The following COL11A1 variants were observed in gnomAD, a reference collection of about 807,000 sequenced individuals.
COL11A1 encodes collagen type XI alpha 1 chain.
COL11A1 carries 74 observed loss-of-function variants against 265.2 expected under a neutral mutation model. The ratio of observed to expected loss-of-function variants is 0.28; its 90% CI spans 0.23 to 0.34. COL11A1 has a LOEUF of 0.34. Ranked by LOEUF, COL11A1 falls within the 10% of genes least tolerant of loss-of-function variation. The pLI is 1.00. For synonymous variants in COL11A1, 816 were observed against 727.6 expected, an observed-to-expected ratio of 1.12 and a Z score of -1.96; for missense variants, 2,165 against 2,263.6, an observed-to-expected ratio of 0.96 and a Z score of 0.88.
At chr1:103,083,753 C>A (rs987630412) in intron 1 of COL11A1, among the ~76,000 whole-genome samples, 15 of 152,094 alleles carry the variant, frequency 9.9e-5, no homozygotes, top group Non-Finnish European at 1.3e-4. Context: ...ATGGATATTA[C>A]TCCATACTTC....
chr1:103,034,668 G>A (rs1447875521), intron 4 of COL11A1, among the ~76,000 whole-genome samples: 1 of 151,412 alleles, frequency 6.6e-6, no homozygotes, highest in Non-Finnish European at 1.5e-5. Flanking sequence ...TGTCTTTGTT[G>A]GGGAAGTCCA....
intron 63 of COL11A1, among the ~76,000 whole-genome samples, chr1:102,884,884 C>A (rs958697044): frequency 2.0e-4 from 31 of 152,172 alleles, no homozygotes; most frequent in African/African-American, 7.2e-4. Flanking sequence ...ACTCCTATAA[C>A]CCTTAGTATA....
At chr1:103,013,270 C>T (rs971940732) in intron 13 of COL11A1, among the ~76,000 whole-genome samples, 2 of 151,980 alleles carry the variant, frequency 1.3e-5, no homozygotes, top group African/African-American at 4.8e-5. Flanking sequence ...TCCAAAATCA[C>T]TACTGACTCA....
At chr1:103,001,038 A>C (rs1439362398) in intron 24 of COL11A1, 2 of 394,966 alleles carry the variant, frequency 5.1e-6, no homozygotes, top group Non-Finnish European at 4.5e-6. Flanking sequence ...AAATTTATTC[A>C]TAAGTTTCAT....
At chr1:103,006,406 T>A (rs12035138) in intron 15 of COL11A1, 91 bp from the exon 16 acceptor site, 2 of 904,470 alleles carry the variant, frequency 2.2e-6, no homozygotes, top group Non-Finnish European at 1.7e-6. Flanking sequence ...GAAACTAATA[T>A]CCTCTTAGCG....
intron 4 of COL11A1, among the ~76,000 whole-genome samples, chr1:103,059,751 T>A (rs1670518961): frequency 6.6e-6 from 1 of 152,088 alleles, no homozygotes; most frequent in African/African-American, 2.4e-5. Context: ...ATGGGCTCAT[T>A]AGTAAATTAG....
At chr1:102,935,213 A>G in intron 44 of COL11A1, 100 bp from the exon 45 acceptor site, 2 of 884,462 alleles carry the variant, frequency 2.3e-6, no homozygotes, top group South Asian at 3.0e-5. Context: ...ACACTTCTGC[A>G]CTCCTTTGGA....
chr1:103,053,667 G>A lies in COL11A1; in HGVS notation c.651+20951C>T, dbSNP rs531931966. 7.9e-5 allele frequency among the ~76,000 whole-genome samples: 12 copies of A among 152,262 alleles called. No individual in the cohort carries two copies. The East Asian group carries it at 2.1e-3, about 27-fold the overall frequency. On this transcript the variant is annotated intron_variant, in intron 4 of 66. Transcript: ENST00000370096. ...ACTCTCAAAAAAGAATTACATCAAA[G>A]TTGTGGCTCTGTCTACTCTTATACA...
chr1:103,054,595 A>G (rs569517611), intron 4 of COL11A1, among the ~76,000 whole-genome samples: 1 of 149,158 alleles, frequency 6.7e-6, no homozygotes, highest in Non-Finnish European at 1.5e-5. Flanking sequence ...TGTTGTTTCT[A>G]AAAAAAAGAA....
chr1:102,899,466 AT>A, intron 54 of COL11A1, among the ~76,000 whole-genome samples: 1 of 152,286 alleles, frequency 6.6e-6, no homozygotes, highest in Middle Eastern at 3.4e-3. Context: ...AAGAAACACA[AT>A]ATTTTAAATT....
intron 4 of COL11A1, among the ~76,000 whole-genome samples, chr1:103,063,860 T>TA (rs1230086896): frequency 6.6e-6 from 1 of 151,954 alleles, no homozygotes; most frequent in African/African-American, 2.4e-5. Context: ...TATTCAACAA[T>TA]AAAAAAGCTA....
intron 4 of COL11A1, among the ~76,000 whole-genome samples, chr1:103,071,429 G>GAAAA (rs71094602): frequency 8.6e-6 from 1 of 116,128 alleles, no homozygotes. Context: ...TATTTAGCAG[G>GAAAA]AAAAAAAAAT....
At chr1:103,106,453 C>G (rs1571298499) in intron 1 of COL11A1, among the ~76,000 whole-genome samples, 1 of 152,168 alleles carries the variant, frequency 6.6e-6, no homozygotes, top group African/African-American at 2.4e-5. Flanking sequence ...GAGGGACTTA[C>G]AGAGGCCTCA....
chr1:102,906,531 C>G (rs1413728778), intron 54 of COL11A1, among the ~76,000 whole-genome samples: 1 of 152,044 alleles, frequency 6.6e-6, no homozygotes, highest in Non-Finnish European at 1.5e-5. Context: ...CCTCAGCCTC[C>G]CAAGTAGCTG....
chr1:102,938,923 G>C, intron 44 of COL11A1, 112 bp downstream of exon 44: 1 of 852,572 alleles, frequency 1.2e-6, no homozygotes, highest in East Asian at 2.5e-5. Context: ...TGTAGTATTG[G>C]TATTATAAGT....
chr1:103,044,347 C>G (rs1047399322), intron 4 of COL11A1, among the ~76,000 whole-genome samples: 28 of 151,998 alleles, frequency 1.8e-4, no homozygotes, highest in Non-Finnish European at 1.2e-4. Flanking sequence ...ACAGACATAA[C>G]TACTTCCCAC....
intron 21 of COL11A1, 92 bp downstream of exon 21, chr1:103,003,123 C>T (rs977635892): frequency 7.8e-7 from 1 of 1,284,996 alleles, no homozygotes; most frequent in Non-Finnish European, 1.1e-6. Context: ...AGGCAATAAA[C>T]TCTTGGCTCT....
intron 2 of COL11A1, among the ~76,000 whole-genome samples, chr1:103,081,132 G>A (rs1672380155): frequency 6.6e-6 from 1 of 151,776 alleles, no homozygotes; most frequent in Non-Finnish European, 1.5e-5. Context: ...GTCAGATAAT[G>A]TTGATTATAT....
chr1:102,941,801 G>A (rs1049492676), intron 42 of COL11A1, among the ~76,000 whole-genome samples: 1 of 152,088 alleles, frequency 6.6e-6, no homozygotes, highest in African/African-American at 2.4e-5. Context: ...CATTATATAT[G>A]TATTTAGTGA....
Sources: gnomAD v4.1 joint callset for allele counts (sites outside exome capture counted in the v4.1 genomes callset) on GRCh38, gnomAD v4.1.1 for gene constraint, MANE v1.5 for transcripts, NCBI Gene and HGNC (gene_info 2026-07-23, HGNC 2026-07-21) for gene names.